The following DCUN1D1 variants were observed in gnomAD, a reference collection of about 807,000 sequenced individuals.
DCUN1D1 encodes defective in cullin neddylation 1 domain containing 1, also known as DCN1-like protein 1.
A neutral mutation model predicts 39.0 loss-of-function variants in DCUN1D1; 3 were observed. That is an observed-to-expected ratio of 0.08 (90% CI 0.04 to 0.20). The LOEUF is 0.20. Among genes scored for constraint, DCUN1D1 ranks in the 10% least tolerant of loss-of-function variants. The pLI, the probability that DCUN1D1 is intolerant of heterozygous loss-of-function variation, is 1.00. For missense variants in DCUN1D1, 158 were observed against 302.4 expected, an observed-to-expected ratio of 0.52 and a Z score of 3.54; for synonymous variants, 82 against 96.3, an observed-to-expected ratio of 0.85 and a Z score of 0.87.
intron 1 of DCUN1D1, among the ~76,000 whole-genome samples, chr3:182,977,882 A>T (rs536232732): frequency 2.0e-5 from 3 of 152,160 alleles, no homozygotes; most frequent in Admixed American, 1.3e-4. Flanking sequence ...TCTACTAAAA[A>T]TACAAAAATC....
At chr3:182,965,432 C>A in intron 2 of DCUN1D1, 105 bp downstream of exon 2, 1 of 658,358 alleles carries the variant, frequency 1.5e-6, no homozygotes, top group Non-Finnish European at 2.6e-6. Context: ...CTCTATTGGA[C>A]ACATCCACCC....
At chr3:182,948,968 A>C (rs1246401910) in intron 4 of DCUN1D1, among the ~76,000 whole-genome samples, 1 of 151,636 alleles carries the variant, frequency 6.6e-6, no homozygotes, top group Admixed American at 6.6e-5. Flanking sequence ...GAATCGCTTG[A>C]AACCGGAAGG....
chr3:182,949,295 G>A lies in DCUN1D1; in HGVS notation c.521-1663C>T, dbSNP rs148575041. 9.0e-3 allele frequency among the ~76,000 whole-genome samples: 1,375 copies of A among 152,256 alleles called. 51 individuals are homozygous for A. In the East Asian group the frequency reaches 0.13, roughly 15 times the overall value. ...GGAGAATTTCTTGAACCTGGGAGGT[G>A]GAGGTTGCAGGGGGCCAAGATCATG... On this transcript the variant is annotated intron_variant, in intron 4 of 6. Transcript: ENST00000292782.
In DCUN1D1 at chr3:182,945,006, G is replaced by C; in HGVS notation, c.*88C>G. The C allele has an allele frequency of 8.8e-7, 1 of 1,132,628 alleles. No homozygotes were observed. The highest frequency in any genetic ancestry group is 1.3e-5 in the South Asian group (1 of 76,840). The allele number at this position is 1,132,628 out of a possible 1,614,324, so 70.2% of individuals were successfully genotyped here. On this transcript the variant is annotated 3_prime_UTR_variant, in exon 7 of 7. Transcript: ENST00000292782. ...TCTGAATTGTGAGGATTGATCTTCAGTTCAGTCCAGCCAGCAGAAATTGAC... is the reference window on the plus strand; with the variant it reads ...TCTGAATTGTGAGGATTGATCTTCACTTCAGTCCAGCCAGCAGAAATTGAC...
In DCUN1D1 at chr3:182,961,346, T is replaced by C. The variant is rs922979204; in HGVS notation, c.400A>G (p.Ile134Val). The C allele has an allele frequency of 6.3e-7, 1 of 1,598,106 alleles. No individual in the cohort carries two copies. Among genetic ancestry groups the C allele is most frequent in the Non-Finnish European group, 8.5e-7 (1 of 1,174,692 alleles). The change falls in exon 4 of 7, where the codon ATA becomes GTA. Residue 134 changes from isoleucine to valine, a missense_variant. Transcript: ENST00000292782. ...GGTATCTGGGCCTTTAGTTTTTCTA[T>C]GCTGTCACATCTGCGTCGTAAAATT... ...DGMTELGCDS[I>V]EKLKAQIPKM...
In DCUN1D1 at chr3:182,939,964, A is replaced by T. The variant is rs1726065130; in HGVS notation, c.*5130T>A. The T allele has an allele frequency of 6.6e-6, 1 of 152,206 alleles. No individual in the cohort carries two copies. The allele number at this position is 152,206 out of a possible 1,614,324, so 9.4% of individuals were successfully genotyped here. On this transcript the variant is annotated 3_prime_UTR_variant, in exon 7 of 7. Coordinates refer to ENST00000292782, the MANE Select transcript of DCUN1D1 (RefSeq NM_020640.4). The stretch of plus-strand genomic sequence containing the variant: ...AGTCTAATATACTATTAGGATTAAG[A>T]ACATTAGCATTTGCTTGAAAACTAA...
intron 4 of DCUN1D1, among the ~76,000 whole-genome samples, chr3:182,949,898 T>G (rs1479122068): frequency 6.6e-6 from 1 of 152,196 alleles, no homozygotes; most frequent in Non-Finnish European, 1.5e-5. Context: ...GTCGACAAAC[T>G]TCCTATGGTT....
At chr3:182,958,508 A>T (rs1727213045) in intron 4 of DCUN1D1, among the ~76,000 whole-genome samples, 1 of 152,146 alleles carries the variant, frequency 6.6e-6, no homozygotes, top group Admixed American at 6.5e-5. Context: ...GGGGGGTCTT[A>T]AATAACATTT....
In DCUN1D1 at chr3:182,941,125, A is replaced by T. The variant is rs908283052; in HGVS notation, c.*3969T>A. 2 of 148,842 alleles carry T rather than the reference A, an allele frequency of 1.3e-5. No homozygotes were observed. Among genetic ancestry groups the T allele is most frequent in the East Asian group, 3.9e-4 (2 of 5,194 alleles). 9.2% of individuals were successfully genotyped at this position (148,842 alleles called of 1,614,324 possible). On this transcript the variant is annotated 3_prime_UTR_variant, in exon 7 of 7. Transcript: ENST00000292782. ...CAGGTAGGAAAGAAAATAAGATAGC[A>T]AGAATGCTCTGATAAAATCATTTAT... is the stretch of plus-strand genomic sequence containing the variant.
At chr3:182,946,786 T>C (rs1296735775) in intron 6 of DCUN1D1, among the ~76,000 whole-genome samples, 1 of 151,996 alleles carries the variant, frequency 6.6e-6, no homozygotes, top group Non-Finnish European at 1.5e-5. Context: ...GATTGGTAAA[T>C]GTATGAAGGT....
At chr3:182,972,624 C>G (rs1728000074) in intron 1 of DCUN1D1, among the ~76,000 whole-genome samples, 1 of 152,046 alleles carries the variant, frequency 6.6e-6, no homozygotes, top group Admixed American at 6.6e-5. Flanking sequence ...AGCTGTAGTT[C>G]CAGCTACTTA....
intron 6 of DCUN1D1, 96 bp from the exon 7 acceptor site, chr3:182,945,269 T>C (rs1396171172): frequency 1.1e-6 from 1 of 933,414 alleles, no homozygotes; most frequent in Non-Finnish European, 1.6e-6. Flanking sequence ...GACTTCCTCA[T>C]AAGCGTTAAA....
intron 4 of DCUN1D1, among the ~76,000 whole-genome samples, chr3:182,951,265 T>C (rs1726719088): frequency 6.6e-6 from 1 of 152,106 alleles, no homozygotes; most frequent in Non-Finnish European, 1.5e-5. Flanking sequence ...AGCATATTGC[T>C]AGTATATTTT....
chr3:182,961,090 G>T, intron 4 of DCUN1D1, 136 bp downstream of exon 4: 1 of 652,762 alleles, frequency 1.5e-6, no homozygotes, highest in Non-Finnish European at 2.5e-6. Flanking sequence ...AAAATTTCCT[G>T]TTTCTAATTA....
At chr3:182,981,786 GCCATGT>G (rs1402356528), upstream of DCUN1D1, among the ~76,000 whole-genome samples, 1 of 152,244 alleles carries the variant, frequency 6.6e-6, no homozygotes, top group Non-Finnish European at 1.5e-5. Context: ...CCTGGAGCTA[GCCATGT>G]ACTGGGAGCG....
Position 182,961,300 on chromosome 3 carries a change from T to C in DCUN1D1, c.446A>G (p.Lys149Arg), listed in dbSNP as rs377642178. 4 of 1,605,102 alleles carry C rather than the reference T, an allele frequency of 2.5e-6. No individual in the cohort carries two copies. The highest frequency in any genetic ancestry group is 3.4e-6 in the Non-Finnish European group (4 of 1,174,914). ...AAAATCCTTAAATCGTCCTGGTTCT[T>C]TCAATTCTTGTTCCATCTTGGGTAT... ...AQIPKMEQEL[K>R]EPGRFKDFYQ... Residue 149 changes from lysine to arginine, a missense_variant, in exon 4 of 7, where the codon AAA (lysine) becomes AGA (arginine). By Grantham distance (26) the Lys-to-Arg change is conservative. This residue lies in a region of DCUN1D1 where 107 missense variants were observed against 174.7 expected (regional missense o/e 0.61). Coordinates refer to ENST00000292782, the MANE Select transcript of DCUN1D1 (RefSeq NM_020640.4).
intron 4 of DCUN1D1, among the ~76,000 whole-genome samples, chr3:182,948,570 T>C (rs1013195869): frequency 2.6e-5 from 4 of 152,312 alleles, no homozygotes; most frequent in African/African-American, 7.2e-5. Context: ...CAAGGAACCA[T>C]AGCAGTTAAG....
At chr3:182,958,647 A>C (rs1215830880) in intron 4 of DCUN1D1, among the ~76,000 whole-genome samples, 2 of 152,026 alleles carry the variant, frequency 1.3e-5, no homozygotes, top group Non-Finnish European at 2.9e-5. Context: ...TGAAACAAAA[A>C]CTCTACATCC....
At chr3:182,948,787 C>A (rs936486882) in intron 4 of DCUN1D1, among the ~76,000 whole-genome samples, 1 of 152,142 alleles carries the variant, frequency 6.6e-6, no homozygotes, top group Non-Finnish European at 1.5e-5. Context: ...GGGTGGCTCA[C>A]ACCTGTAATC....
Sources: gnomAD v4.1 joint callset for allele counts (sites outside exome capture counted in the v4.1 genomes callset) on GRCh38, gnomAD v4.1.1 for gene constraint, gnomAD v4.1.1 regional missense constraint, MANE v1.5 for transcripts, NCBI Gene and HGNC (gene_info 2026-07-23, HGNC 2026-07-21) for gene names.